THSD7A: variants seen among roughly 807,000 people sequenced by gnomAD.
The protein encoded by THSD7A is thrombospondin type 1 domain containing 7A.
THSD7A carries 96 observed loss-of-function variants against 231.3 expected under a neutral mutation model. The observed-to-expected ratio is 0.41, with a 90% CI of 0.35 to 0.49. The LOEUF (loss-of-function observed/expected upper bound fraction) is 0.49, where lower values mean the gene tolerates loss of function less well. THSD7A is among the 20% of genes least tolerant of loss of function. The pLI, the probability that THSD7A is intolerant of heterozygous loss-of-function variation, is 0.05. For synonymous variants in THSD7A, 940 were observed against 743.3 expected (o/e 1.26, Z -4.30); for missense variants, 2,290 against 2,070.2 (o/e 1.11, Z -2.06).
intron 4 of THSD7A, among the ~76,000 whole-genome samples, chr7:11,568,552 G>A (rs887877016): frequency 6.9e-6 from 1 of 145,842 alleles, no homozygotes; most frequent in African/African-American, 2.5e-5. Context: ...GTGAACCTGG[G>A]AGGCAGAGCT....
At chr7:11,461,788 G>C (rs146024164) in intron 10 of THSD7A, among the ~76,000 whole-genome samples, 3 of 152,098 alleles carry the variant, frequency 2.0e-5, no homozygotes, top group South Asian at 2.1e-4. Context: ...GAGCTAACAC[G>C]TCACCTTGGA....
At chr7:11,469,739 T>C (rs1785857135) in intron 9 of THSD7A, 140 bp downstream of exon 9, 1 of 571,126 alleles carries the variant, frequency 1.8e-6, no homozygotes, top group South Asian at 2.4e-5. Flanking sequence ...AGAGGGAAAC[T>C]AACATTTTAT....
chr7:11,594,822 G>C (rs896658204), intron 2 of THSD7A, among the ~76,000 whole-genome samples: 23 of 152,176 alleles, frequency 1.5e-4, no homozygotes, highest in African/African-American at 4.6e-4. Flanking sequence ...CTTATCATGT[G>C]AGTGGGTCAT....
intron 1 of THSD7A, among the ~76,000 whole-genome samples, chr7:11,720,261 G>A (rs967061094): frequency 5.4e-4 from 82 of 151,820 alleles, no homozygotes; most frequent in African/African-American, 1.9e-3. Flanking sequence ...TTTATCCTCA[G>A]TATCTAGCTT....
chr7:11,658,381 C>A (rs185488194), intron 1 of THSD7A, among the ~76,000 whole-genome samples: 3 of 151,846 alleles, frequency 2.0e-5, no homozygotes, highest in Admixed American at 6.6e-5. Context: ...TGCTAATACA[C>A]TTGCAAAGAT....
At chr7:11,427,476 C>T (rs4720985) in intron 14 of THSD7A, among the ~76,000 whole-genome samples, 10,614 of 152,086 alleles carry the variant, frequency 0.07, 806 homozygotes, top group African/African-American at 0.18. Context: ...TGGTTTAGGC[C>T]AAACACTAGG....
Position 11,474,436 on chromosome 7 carries a change from T to C in THSD7A, c.2150A>G (p.Asn717Ser). 4.3e-6 allele frequency: 7 copies of C among 1,613,658 alleles called. No homozygotes were observed. Among genetic ancestry groups the C allele is most frequent in the Non-Finnish European group, 5.1e-6 (6 of 1,179,636 alleles). ...CTCCCCATTCCAAGTCGTAGTTGTG[T>C]TGAAGGACGATACTGAGGTGTCCTC... Reference protein sequence around the residue: ...CIEDTSVSSFNTTTTWNGEAS... With the variant: ...CIEDTSVSSFSTTTTWNGEAS... Residue 717 changes from asparagine (N) to serine (S), a missense_variant, in exon 8 of 28, where the codon AAC (asparagine) becomes AGC (serine). Asn to Ser is a conservative substitution (Grantham distance 46). Transcript: ENST00000423059. This position sits in a 1 kb window ranked among gnomAD's most constrained non-coding sequence, Gnocchi z 4.1.
chr7:11,480,824 T>C (rs1165318987), intron 7 of THSD7A, among the ~76,000 whole-genome samples: 1 of 152,034 alleles, frequency 6.6e-6, no homozygotes, highest in African/African-American at 2.4e-5. Context: ...ATAGAAAAAG[T>C]ATAGGCAACA....
intron 1 of THSD7A, among the ~76,000 whole-genome samples, chr7:11,671,439 T>G (rs1341563154): frequency 1.3e-5 from 2 of 152,192 alleles, no homozygotes; most frequent in East Asian, 3.8e-4. Flanking sequence ...GGCATGTGTA[T>G]TTTGAAATAT....
chr7:11,526,774 T>G (rs1404570192), intron 6 of THSD7A, among the ~76,000 whole-genome samples: 2 of 152,192 alleles, frequency 1.3e-5, no homozygotes, highest in Non-Finnish European at 2.9e-5. Flanking sequence ...ATTGTAAATT[T>G]TCTGAGTGAG....
In THSD7A at chr7:11,396,864, T is replaced by C. The variant is rs147583480; in HGVS notation, c.4411+4931A>G. On this transcript the variant is annotated intron_variant, in intron 23 of 27. Coordinates refer to ENST00000423059, the MANE Select transcript of THSD7A (RefSeq NM_015204.3). The stretch of plus-strand genomic sequence containing the variant: ...TTCAGGCCAATATCCCTGATGAACA[T>C]TGATGTGAAAATCCACAATCACATA... 6.9e-3 allele frequency among the ~76,000 whole-genome samples: 1,049 copies of C among 152,314 alleles called. 19 individuals are homozygous for C. The highest frequency in any genetic ancestry group is 0.024 in the African/African-American group (998 of 41,556).
intron 2 of THSD7A, among the ~76,000 whole-genome samples, chr7:11,635,601 C>T (rs1205268536): frequency 1.3e-5 from 2 of 152,146 alleles, no homozygotes; most frequent in Non-Finnish European, 2.9e-5. Context: ...TGGCTGGTTG[C>T]TGTTTCCTTC....
At chr7:11,685,312 T>C (rs1779998423) in intron 1 of THSD7A, among the ~76,000 whole-genome samples, 1 of 151,574 alleles carries the variant, frequency 6.6e-6, no homozygotes, top group Non-Finnish European at 1.5e-5. Context: ...GAATTTGGCC[T>C]AGGTAAAAAA....
chr7:11,686,806 C>A (rs1750263182), intron 1 of THSD7A, among the ~76,000 whole-genome samples: 1 of 151,628 alleles, frequency 6.6e-6, no homozygotes, highest in African/African-American at 2.4e-5. Context: ...ATAAAGATGG[C>A]AACAATAAAA....
At chr7:11,681,471 C>T (rs1158283701) in intron 1 of THSD7A, among the ~76,000 whole-genome samples, 1 of 151,746 alleles carries the variant, frequency 6.6e-6, no homozygotes, top group East Asian at 1.9e-4. Context: ...AGCTGGAAGC[C>T]CCAATAATAA....
intron 9 of THSD7A, among the ~76,000 whole-genome samples, chr7:11,462,711 C>G (rs1478063703): frequency 6.6e-6 from 1 of 152,070 alleles, no homozygotes; most frequent in African/African-American, 2.4e-5. Flanking sequence ...CATTAGGGAT[C>G]TAAGTAGTAA....
intron 1 of THSD7A, among the ~76,000 whole-genome samples, chr7:11,738,406 G>A (rs775151851): frequency 2.6e-5 from 4 of 151,962 alleles, no homozygotes; most frequent in Non-Finnish European, 4.4e-5. Flanking sequence ...TAACACAATA[G>A]CATCTCAGCA....
chr7:11,753,921 T>C (rs1583259830), intron 1 of THSD7A, among the ~76,000 whole-genome samples: 1 of 151,820 alleles, frequency 6.6e-6, no homozygotes, highest in Admixed American at 6.6e-5. Context: ...AACAGAGGCA[T>C]AGAAACTCAA....
chr7:11,475,312 G>A (rs1053373078), intron 7 of THSD7A, among the ~76,000 whole-genome samples: 6 of 152,204 alleles, frequency 3.9e-5, no homozygotes, highest in Admixed American at 2.6e-4. Flanking sequence ...GCAAGGATAT[G>A]CTTTGGGGGT....
Sources: gnomAD v4.1 joint callset for allele counts (sites outside exome capture counted in the v4.1 genomes callset) on GRCh38, gnomAD v4.1.1 for gene constraint, Gnocchi (gnomAD v3.1) non-coding constraint, MANE v1.5 for transcripts, NCBI Gene and HGNC (gene_info 2026-07-23, HGNC 2026-07-21) for gene names.